Variants in FAM47E observed in about 807,000 individuals in gnomAD.
The protein encoded by FAM47E is protein FAM47E.
In FAM47E, 32 loss-of-function variants were observed where a neutral mutation model predicts 41.6. The observed-to-expected ratio is 0.77, with a 90% confidence interval of 0.58 to 1.03. FAM47E has a LOEUF of 1.03. Among genes scored for constraint, FAM47E ranks in the 50% least tolerant of loss-of-function variants. The pLI is 0.00. For missense variants in FAM47E, 424 were observed against 485.4 expected, an observed-to-expected ratio of 0.87 and a Z score of 1.19; for synonymous variants, 184 against 188.7, an observed-to-expected ratio of 0.98 and a Z score of 0.20.
chr4:76,259,575 G>A (rs115231035), intron 2 of FAM47E, among the ~76,000 whole-genome samples: 225 of 152,270 alleles, frequency 1.5e-3, no homozygotes, highest in African/African-American at 5.1e-3. Flanking sequence ...TGAAGATTTG[G>A]TGGACTGTGC....
At chr4:76,224,346 C>G (rs1296708605) in intron 2 of FAM47E, among the ~76,000 whole-genome samples, 2 of 152,094 alleles carry the variant, frequency 1.3e-5, no homozygotes, top group Non-Finnish European at 2.9e-5. Context: ...CAACTTAGAG[C>G]CAGGCACCTT....
At position 76,256,259 on chromosome 4, in the gene FAM47E, G is replaced by A. The variant is rs1260649013; in HGVS notation, c.156G>A (p.Leu52=). ...SRQLVFPRKG[L]DDFRKGCPPC... Reference sequence around the variant, plus strand: ...AGTTGGTATTTCCAAGAAAGGGGCTGGACGACTTCAGGAAGGGCTGCCCGC... The same window carrying A: ...AGTTGGTATTTCCAAGAAAGGGGCTAGACGACTTCAGGAAGGGCTGCCCGC... The change falls in exon 2 of 8, where the codon CTG becomes CTA. Residue 52 remains leucine, a synonymous_variant. Transcript: ENST00000424749. The A allele has an allele frequency of 1.3e-6, 2 of 1,551,714 alleles. No homozygotes were observed. The highest frequency in any genetic ancestry group is 1.7e-4 in the Middle Eastern group (1 of 5,992).
At chr4:76,251,883 A>G in intron 1 of FAM47E, 63 bp downstream of exon 1, 1 of 1,353,776 alleles carries the variant, frequency 7.4e-7, no homozygotes, top group Middle Eastern at 2.7e-4. Flanking sequence ...GCGCCTGGAG[A>G]CCCGCGCTTG....
chr4:76,234,983 G>A (rs550735605), intron 2 of FAM47E, among the ~76,000 whole-genome samples: 9 of 152,042 alleles, frequency 5.9e-5, no homozygotes, highest in Admixed American at 5.9e-4. Flanking sequence ...GTAGGGACAG[G>A]GTGGGGACCA....
rs1734898382 is a variant in FAM47E, at chr4:76,271,708, A to G, written c.810A>G (p.Lys270=). Residue 270 remains lysine (K), a synonymous_variant, in exon 5 of 8, where the codon AAA becomes AAG. Transcript: ENST00000424749. ...LELKRSVGLS[K]LQETEFFQKL... ...TAAAGCGTAGTGTGGGGCTCAGTAA[A>G]CTGCAGGAGACAGAGTTCTTCCAGA... The G allele has an allele frequency of 3.2e-6, 5 of 1,551,760 alleles. No individual in the cohort carries two copies. The highest frequency in any genetic ancestry group is 1.4e-5 in the African/African-American group (1 of 73,138).
At chr4:76,248,799 T>TCTCA (rs1277068641), upstream of FAM47E, among the ~76,000 whole-genome samples, 1 of 150,768 alleles carries the variant, frequency 6.6e-6, no homozygotes, top group Non-Finnish European at 1.5e-5. Context: ...TCTCTCAGTC[T>TCTCA]CTCTCTCTCT....
chr4:76,252,898 T>G (rs923533071), intron 1 of FAM47E, among the ~76,000 whole-genome samples: 1 of 152,144 alleles, frequency 6.6e-6, no homozygotes, highest in Non-Finnish European at 1.5e-5. Context: ...ACTAGAGACC[T>G]TACTTGGATT....
intron 2 of FAM47E, among the ~76,000 whole-genome samples, chr4:76,218,233 A>G (rs1430010335): frequency 6.6e-6 from 1 of 152,212 alleles, no homozygotes; most frequent in Non-Finnish European, 1.5e-5. Context: ...AAAATGTACC[A>G]TCACACCCTA....
Position 76,268,430 on chromosome 4 carries a change from T to C in FAM47E, c.561-230T>C, listed in dbSNP as rs1483665285. 1.6e-5 allele frequency: 7 copies of C among 437,428 alleles called. 1 individual carries two copies. Among genetic ancestry groups the C allele is most frequent in the Non-Finnish European group, 1.6e-5 (4 of 253,202 alleles). The allele number at this position is 437,428 out of a possible 1,614,324, so 27.1% of individuals were successfully genotyped here. A position where few individuals can be genotyped will look rare whatever the true frequency, so the allele number is the denominator to read the frequency against. On this transcript the variant is annotated intron_variant, in intron 3 of 7. Coordinates refer to ENST00000424749, the MANE Select transcript of FAM47E (RefSeq NM_001136570.3). ...ATTTAAAAAAATCAACTTATAATGG[T>C]AAATGCTATGTAAGTTTTAATTATT... is the stretch of plus-strand genomic sequence containing the variant.
chr4:76,228,491 AG>A lies in FAM47E; in HGVS notation c.81+10804del, dbSNP rs749588427. Among the ~76,000 whole-genome samples, 170 of 133,740 alleles carry A rather than the reference AG, an allele frequency of 1.3e-3. 1 individual carries two copies. The highest frequency in any genetic ancestry group is 9.2e-3 in the South Asian group (38 of 4,124). The allele number at this position is 133,740 out of a possible 152,430, so 87.7% of individuals were successfully genotyped here. On this transcript the variant is annotated intron_variant, in intron 2 of 7. Transcript: ENST00000510197. ...AAGCCTCCATCTTAAAAAAAAAAAAAGAAAGAAAGAAAAAAAATTTAGAATT... is the reference window on the plus strand; with the variant it reads ...AAGCCTCCATCTTAAAAAAAAAAAAAAAAGAAAGAAAAAAAATTTAGAATT...
upstream of FAM47E, among the ~76,000 whole-genome samples, chr4:76,250,462 C>T (rs544099294): frequency 3.9e-5 from 6 of 151,966 alleles, no homozygotes; most frequent in Middle Eastern, 3.4e-3. Context: ...GAATATTAGT[C>T]CTTTGTTGGA....
chr4:76,226,537 AGT>A (rs1233243566), intron 2 of FAM47E, among the ~76,000 whole-genome samples: 1 of 152,056 alleles, frequency 6.6e-6, no homozygotes, highest in Non-Finnish European at 1.5e-5. Flanking sequence ...TTTAGATTGT[AGT>A]GCTGTGGGGC....
upstream of FAM47E, chr4:76,251,568 G>C (rs909206275): frequency 1.3e-5 from 16 of 1,246,156 alleles, no homozygotes; most frequent in Non-Finnish European, 1.5e-5. Context: ...CCTTCCCTCG[G>C]CCAGGTCCAC....
At chr4:76,233,510 AT>A (rs1324586728) in intron 2 of FAM47E, among the ~76,000 whole-genome samples, 1 of 152,192 alleles carries the variant, frequency 6.6e-6, no homozygotes, top group Admixed American at 6.5e-5. Context: ...CCTTAAAAAA[AT>A]ATTAGATCTG....
intron 2 of FAM47E, among the ~76,000 whole-genome samples, chr4:76,262,290 A>G (rs1350326584): frequency 6.6e-6 from 1 of 152,228 alleles, no homozygotes; most frequent in Non-Finnish European, 1.5e-5. Flanking sequence ...ATGATGCAAG[A>G]CTTCAAAATA....
intron 2 of FAM47E, among the ~76,000 whole-genome samples, chr4:76,222,929 G>A (rs1733335506): frequency 6.6e-6 from 1 of 152,186 alleles, no homozygotes; most frequent in Admixed American, 6.5e-5. Flanking sequence ...AGGGGGGGAA[G>A]AGGCCCAGGT....
intron 2 of FAM47E, among the ~76,000 whole-genome samples, chr4:76,241,806 T>A (rs1167381746): frequency 6.6e-6 from 1 of 152,158 alleles, no homozygotes; most frequent in African/African-American, 2.4e-5. Flanking sequence ...TTAACTCCAG[T>A]GGTAATAACA....
At chr4:76,265,223 C>G (rs1734581549) in intron 3 of FAM47E, among the ~76,000 whole-genome samples, 1 of 152,234 alleles carries the variant, frequency 6.6e-6, no homozygotes, top group South Asian at 2.1e-4. Context: ...TCAGTTCTGC[C>G]TTTCCTCCAT....
intron 2 of FAM47E, among the ~76,000 whole-genome samples, chr4:76,230,307 A>T (rs1302814473): frequency 1.3e-5 from 2 of 152,146 alleles, no homozygotes; most frequent in African/African-American, 2.4e-5. Flanking sequence ...GAAAGCCAGT[A>T]ACAATAGGCC....
Sources: gnomAD v4.1 joint callset for allele counts (sites outside exome capture counted in the v4.1 genomes callset) on GRCh38, gnomAD v4.1.1 for gene constraint, MANE v1.5 for transcripts, NCBI Gene and HGNC (gene_info 2026-07-23, HGNC 2026-07-21) for gene names.